The following HIVEP2 variants were observed in gnomAD, a reference collection of about 807,000 sequenced individuals.
HIVEP2 encodes HIVEP zinc finger 2.
In HIVEP2, 14 loss-of-function variants were observed where a neutral mutation model predicts 180.7. The ratio of observed to expected loss-of-function variants is 0.08; its 90% confidence interval spans 0.05 to 0.12. HIVEP2 has a LOEUF of 0.12. Ranked by LOEUF, HIVEP2 falls within the 10% of genes least tolerant of loss-of-function variation. The pLI, the probability that HIVEP2 is intolerant of heterozygous loss-of-function variation, is 1.00. For synonymous variants in HIVEP2, 1,184 were observed against 1,136.4 expected, an observed-to-expected ratio of 1.04 and a Z score of -0.84; for missense variants, 2,579 against 3,008.5, an observed-to-expected ratio of 0.86 and a Z score of 3.34.
At chr6:142,835,974 T>C (rs555541105) in intron 2 of HIVEP2, among the ~76,000 whole-genome samples, 1 of 152,232 alleles carries the variant, frequency 6.6e-6, no homozygotes, top group Non-Finnish European at 1.5e-5. Flanking sequence ...TTAGAAGCTG[T>C]CTTCCCAGAT....
In HIVEP2 at chr6:142,760,800, T is replaced by G. The variant is rs534904170; in HGVS notation, c.5621-133A>C. 34 of 653,290 alleles carry G rather than the reference T, an allele frequency of 5.2e-5. No individual in the cohort carries two copies. In the South Asian group the frequency reaches 6.6e-4, roughly 13 times the overall value. The allele number at this position is 653,290 out of a possible 1,614,324, so 40.5% of individuals were successfully genotyped here. A position where few individuals can be genotyped will look rare whatever the true frequency, so the allele number is the denominator to read the frequency against. Reference sequence around the variant, plus strand: ...ACAGATAGTTATGTCTGAGAACTCCTATAAAATGAGGCACTTACCTGTGTG... The same window carrying G: ...ACAGATAGTTATGTCTGAGAACTCCGATAAAATGAGGCACTTACCTGTGTG... On this transcript the variant is annotated intron_variant, in intron 8 of 9. Transcript: ENST00000367603.
chr6:142,942,513 C>G (rs549952192), intron 1 of HIVEP2, among the ~76,000 whole-genome samples: 5 of 152,278 alleles, frequency 3.3e-5, no homozygotes, highest in African/African-American at 9.6e-5. Flanking sequence ...GCAAAGGAGC[C>G]TGATCAATCA....
intron 1 of HIVEP2, among the ~76,000 whole-genome samples, chr6:142,919,141 A>G (rs1271039126): frequency 6.6e-6 from 1 of 152,078 alleles, no homozygotes; most frequent in Non-Finnish European, 1.5e-5. Context: ...GTGTGTTCTT[A>G]TTTTACAGTT....
At chr6:142,914,828 G>A (rs985366181) in intron 1 of HIVEP2, among the ~76,000 whole-genome samples, 1 of 152,184 alleles carries the variant, frequency 6.6e-6, no homozygotes, top group African/African-American at 2.4e-5. Context: ...ACTTTTTGAA[G>A]GCTTTGAATA....
intron 2 of HIVEP2, among the ~76,000 whole-genome samples, chr6:142,791,450 G>A (rs971500374): frequency 1.3e-5 from 2 of 152,140 alleles, no homozygotes; most frequent in African/African-American, 2.4e-5. Flanking sequence ...TTGACAAACT[G>A]TGAATGGCAT....
chr6:142,849,797 G>A (rs370265975), intron 1 of HIVEP2, among the ~76,000 whole-genome samples: 2 of 152,122 alleles, frequency 1.3e-5, no homozygotes, highest in African/African-American at 4.8e-5. Context: ...GGGACTACAG[G>A]TATGAGCCAC....
rs370172910 is a variant in HIVEP2 at position 142,771,358 on chromosome 6, C to T, written c.3381G>A (p.Leu1127=). 790 of 1,612,866 alleles carry T rather than the reference C, an allele frequency of 4.9e-4. 2 individuals carry two copies. The highest frequency in any genetic ancestry group is 6.3e-4 in the Non-Finnish European group (743 of 1,179,952). ...CTGGGTCCTCTTGCTGAAGAGGAGG[C>T]AGCACAGCAGGCGGGCCATGGTGCC... ...SGWHHGPPAV[L]PPLQQEDPGK... Residue 1127 remains leucine, a synonymous_variant, in exon 5 of 10, where the codon CTG becomes CTA. Coordinates refer to ENST00000367603, the MANE Select transcript of HIVEP2 (RefSeq NM_006734.4). This position sits in a 1 kb window ranked among gnomAD's most constrained non-coding sequence, Gnocchi z 5.4.
chr6:142,875,325 A>T (rs559097030), intron 1 of HIVEP2, among the ~76,000 whole-genome samples: 1 of 152,164 alleles, frequency 6.6e-6, no homozygotes, highest in Non-Finnish European at 1.5e-5. Context: ...ACTGGAACCT[A>T]TCTGGGAATG....
chr6:142,755,675 G>A (rs1237357808), intron 9 of HIVEP2, among the ~76,000 whole-genome samples: 1 of 152,168 alleles, frequency 6.6e-6, no homozygotes. Context: ...AATCCAGGCT[G>A]ACAAATGGAG....
rs1775208318 is a variant in HIVEP2 at position 142,760,666 on chromosome 6, T to A, written c.5622A>T (p.Glu1874Asp). ...CTGCTTTGTGCAAATCTTCCAAATTTTCTGAAACAATTAAACAAAGATAAT... is the reference window on the plus strand; with the variant it reads ...CTGCTTTGTGCAAATCTTCCAAATTATCTGAAACAATTAAACAAAGATAAT... ...SVDDTETEEA[E>D]NLEDLHKAAE... Residue 1874 changes from glutamate to aspartate, a missense_variant and splice_region_variant, in exon 9 of 10, where the codon GAA becomes GAT. Glu to Asp is a conservative substitution (Grantham distance 45). Coordinates refer to ENST00000367603, the MANE Select transcript of HIVEP2 (RefSeq NM_006734.4). 5 of 1,586,266 alleles carry A rather than the reference T, an allele frequency of 3.2e-6. No individual in the cohort carries two copies. Among genetic ancestry groups the A allele is most frequent in the Non-Finnish European group, 4.3e-6 (5 of 1,166,924 alleles).
intron 1 of HIVEP2, among the ~76,000 whole-genome samples, chr6:142,855,202 G>A (rs922762992): frequency 6.6e-6 from 1 of 152,234 alleles, no homozygotes; most frequent in Non-Finnish European, 1.5e-5. Flanking sequence ...CACGTGGTAA[G>A]TTCACCCACA....
At position 142,760,616 on chromosome 6, in the gene HIVEP2, A is replaced by C. The variant is rs765523451; in HGVS notation, c.5672T>G (p.Ile1891Ser). The stretch of plus-strand genomic sequence containing the variant: ...ATCGGAGAACTGATGATCAGTTGAA[A>C]TGCTGGACATGCTATGCTTCTCTGC... ...KAAEKHSMSSISTDHQFSDAE... is the reference protein window; with the variant it reads ...KAAEKHSMSSSSTDHQFSDAE... Residue 1891 changes from isoleucine to serine, a missense_variant, in exon 9 of 10, where the codon ATT (isoleucine) becomes AGT (serine). This residue lies in a region of HIVEP2 where 660 missense variants were observed against 731.7 expected (regional missense o/e 0.90). Transcript: ENST00000367603. The C allele has an allele frequency of 9.9e-6, 16 of 1,613,582 alleles. No individual in the cohort carries two copies. The Admixed American group carries it at 1.8e-4, about 18-fold the overall frequency.
Position 142,770,307 on chromosome 6 carries a change from G to A in HIVEP2, c.4432C>T (p.Leu1478=). The A allele has an allele frequency of 3.1e-6, 5 of 1,614,192 alleles. No homozygotes were observed. The highest frequency in any genetic ancestry group is 1.1e-5 in the South Asian group (1 of 91,086). The change falls in exon 5 of 10, where the codon CTG becomes TTG. Residue 1478 remains leucine, a synonymous_variant. Coordinates refer to ENST00000367603, the MANE Select transcript of HIVEP2 (RefSeq NM_006734.4). The surrounding 1 kb of genome is among the most constrained non-coding windows in gnomAD (Gnocchi z 4.7). ...QIVEELSAVE[L]TNSDIKKDLS... is the part of the protein sequence containing the mutation. ...TCCTTTTTGATGTCTGAGTTGGTCA[G>A]CTCCACAGCACTAAGCTCCTCCACA... is the stretch of plus-strand genomic sequence containing the variant.
chr6:142,868,349 AC>A (rs1236544422), intron 1 of HIVEP2, among the ~76,000 whole-genome samples: 3 of 152,226 alleles, frequency 2.0e-5, no homozygotes, highest in Non-Finnish European at 2.9e-5. Flanking sequence ...GTTCACAAGA[AC>A]AAAAATACAT....
chr6:142,783,734 G>T (rs1775914786), intron 2 of HIVEP2, 119 bp from the exon 3 acceptor site: 1 of 151,556 alleles, frequency 6.6e-6, no homozygotes, highest in Non-Finnish European at 1.5e-5. Context: ...TTTGGAACTG[G>T]ATCTCTCAAG....
At chr6:142,756,055 C>T (rs950390904) in intron 9 of HIVEP2, among the ~76,000 whole-genome samples, 4 of 152,154 alleles carry the variant, frequency 2.6e-5, no homozygotes, top group African/African-American at 9.7e-5. Flanking sequence ...CGTGGAAAAA[C>T]AAATAGTGAA....
At chr6:142,851,602 T>C (rs2114926204) in intron 1 of HIVEP2, among the ~76,000 whole-genome samples, 1 of 152,380 alleles carries the variant, frequency 6.6e-6, no homozygotes, top group African/African-American at 2.4e-5. Context: ...GGAACTTGTC[T>C]ACAGCCTCAC....
rs530358868 is a variant in HIVEP2, at chr6:142,760,312, A to C, written c.5976T>G (p.Asp1992Glu). The change falls in exon 9 of 10, where the codon GAT becomes GAG. Residue 1992 changes from aspartate (D) to glutamate (E), a missense_variant. This residue lies in a region of HIVEP2 where 660 missense variants were observed against 731.7 expected (regional missense o/e 0.90). Transcript: ENST00000367603. ...GCCTCTGGTATTCTGTCATCTGGGT[A>C]TCTTCACATGAATCACTGGGTGTCA... Reference protein sequence around the residue: ...QLMTPSDSCEDTQMTEYQRLF... With the variant: ...QLMTPSDSCEETQMTEYQRLF... 1.2e-6 allele frequency: 2 copies of C among 1,614,176 alleles called. No homozygotes were observed. Among genetic ancestry groups the C allele is most frequent in the Non-Finnish European group, 1.7e-6 (2 of 1,180,010 alleles).
At chr6:142,905,111 C>T (rs1777230852) in intron 1 of HIVEP2, among the ~76,000 whole-genome samples, 1 of 152,164 alleles carries the variant, frequency 6.6e-6, no homozygotes, top group Non-Finnish European at 1.5e-5. Context: ...ACCTTTCATT[C>T]ACTTTTTAAA....
Sources: allele counts gnomAD v4.1 joint callset (sites outside exome capture counted in the v4.1 genomes callset), GRCh38; gene constraint gnomAD v4.1.1; regional missense constraint gnomAD v4.1.1; non-coding constraint Gnocchi (gnomAD v3.1); transcripts MANE v1.5; gene names NCBI Gene and HGNC (gene_info 2026-07-23, HGNC 2026-07-21).